The following SNRNP40 variants were observed in gnomAD, a reference collection of about 807,000 sequenced individuals.
The protein encoded by SNRNP40 is U5 small nuclear ribonucleoprotein 40 kDa protein.
Under a neutral mutation model 45.8 loss-of-function variants are expected in SNRNP40, and 21 were observed. The observed-to-expected ratio is 0.46, with a 90% CI of 0.32 to 0.66. The LOEUF (loss-of-function observed/expected upper bound fraction) is 0.66, where lower values mean the gene tolerates loss of function less well. Among genes scored for constraint, SNRNP40 ranks in the 30% least tolerant of loss-of-function variants. The pLI is 0.03. For synonymous variants in SNRNP40, 142 were observed against 163.8 expected (o/e 0.87, Z 1.01); for missense variants, 344 against 439.1 (o/e 0.78, Z 1.94).
chr1:31,283,539 G>A (rs1028521854), intron 4 of SNRNP40, among the ~76,000 whole-genome samples: 1 of 152,126 alleles, frequency 6.6e-6, no homozygotes, highest in African/African-American at 2.4e-5. Context: ...GGGAGTGGAG[G>A]TTGCAGTGAG....
intron 8 of SNRNP40, among the ~76,000 whole-genome samples, chr1:31,262,389 C>T (rs577725998): frequency 2.8e-4 from 43 of 151,678 alleles, no homozygotes; most frequent in African/African-American, 9.7e-4. Flanking sequence ...GGAGTGGTAG[C>T]GTGTGCCTGT....
rs77238464 is a variant in SNRNP40 at position 31,290,114 on chromosome 1, C to T, written c.366-695G>A. 2.6e-3 allele frequency among the ~76,000 whole-genome samples: 391 copies of T among 152,304 alleles called. 2 individuals carry two copies. The highest frequency in any genetic ancestry group is 9.0e-3 in the African/African-American group (375 of 41,572). ...GCTCAAGCAATCTTCCTGCCTCAGC[C>T]TCCTACAGTGCTAGGGTTATAGGCG... is the stretch of plus-strand genomic sequence containing the variant. On this transcript the variant is annotated intron_variant, in intron 3 of 9. Coordinates refer to ENST00000263694, the MANE Select transcript of SNRNP40 (RefSeq NM_004814.3).
intron 4 of SNRNP40, among the ~76,000 whole-genome samples, chr1:31,287,200 A>G (rs1181967766): frequency 6.6e-6 from 1 of 152,164 alleles, no homozygotes; most frequent in Non-Finnish European, 1.5e-5. Context: ...AAGCATTCCA[A>G]CTTCACAAGT....
At chr1:31,293,389 C>T (rs758739492) in intron 1 of SNRNP40, 41 bp from the exon 2 acceptor site, 1 of 1,544,372 alleles carries the variant, frequency 6.5e-7, no homozygotes, top group East Asian at 2.3e-5. Context: ...TGCATACAGA[C>T]AAAGGAGGCT....
chr1:31,273,312 T>G (rs1461266387), intron 5 of SNRNP40, among the ~76,000 whole-genome samples: 1 of 152,122 alleles, frequency 6.6e-6, no homozygotes, highest in East Asian at 1.9e-4. Context: ...CTGTACACCT[T>G]GTTTGTGCAG....
intron 4 of SNRNP40, chr1:31,281,943 G>A (rs1439903695): frequency 1.3e-5 from 2 of 152,584 alleles, no homozygotes; most frequent in Admixed American, 6.5e-5. Context: ...GTCCCTCCAC[G>A]AAAGCAGCAA....
chr1:31,284,645 G>C lies in SNRNP40; in HGVS notation c.532-3149C>G, dbSNP rs1326848139. Among the ~76,000 whole-genome samples the C allele has an allele frequency of 2.0e-5, 3 of 152,164 alleles. No homozygotes were observed. In the East Asian group the frequency reaches 5.8e-4, roughly 29 times the overall value. On this transcript the variant is annotated intron_variant, in intron 4 of 9. Coordinates refer to ENST00000263694, the MANE Select transcript of SNRNP40 (RefSeq NM_004814.3). Reference sequence around the variant, plus strand: ...TGGGATGACTGTTCCAAGTTTTAAAGGGCTGGCATCAAAAAGAAAGGAATC... The same window carrying C: ...TGGGATGACTGTTCCAAGTTTTAAACGGCTGGCATCAAAAAGAAAGGAATC...
At chr1:31,267,501 T>G (rs894205251) in intron 8 of SNRNP40, among the ~76,000 whole-genome samples, 3 of 152,154 alleles carry the variant, frequency 2.0e-5, no homozygotes, top group African/African-American at 7.2e-5. Flanking sequence ...GCTTTATGTA[T>G]AAAACACAAG....
rs763052473 is a variant in SNRNP40, at chr1:31,269,120, A to C, written c.858+38T>G. The C allele has an allele frequency of 2.0e-6, 3 of 1,529,130 alleles. No homozygotes were observed. The African/African-American group carries it at 4.2e-5, about 21-fold the overall frequency. The allele number at this position is 1,529,130 out of a possible 1,614,324, so 94.7% of individuals were successfully genotyped here. ...ACCACCTTAAATGTTTCTCTGAAGT[A>C]AATGAACAGTAAAACTCCTCTGCCA... On this transcript the variant is annotated intron_variant, in intron 7 of 9. Transcript: ENST00000263694.
chr1:31,285,365 T>C (rs1310907868), intron 4 of SNRNP40, among the ~76,000 whole-genome samples: 4 of 151,850 alleles, frequency 2.6e-5, no homozygotes, highest in African/African-American at 9.7e-5. Context: ...CTCAGCCTCC[T>C]GAGTAGCTGG....
chr1:31,266,663 G>C (rs1645898726), intron 8 of SNRNP40, among the ~76,000 whole-genome samples: 1 of 152,190 alleles, frequency 6.6e-6, no homozygotes, highest in Non-Finnish European at 1.5e-5. Context: ...AAAATACCTA[G>C]TTCACATTTT....
At position 31,259,792 on chromosome 1, in the gene SNRNP40, A is replaced by G. The variant is rs755575878; in HGVS notation, c.*280T>C. 1 of 582,458 alleles carries G rather than the reference A, an allele frequency of 1.7e-6. No homozygotes were observed. Among genetic ancestry groups the G allele is most frequent in the African/African-American group, 1.9e-5 (1 of 52,576 alleles). The allele number at this position is 582,458 out of a possible 1,614,324, so 36.1% of individuals were successfully genotyped here. On this transcript the variant is annotated 3_prime_UTR_variant, in exon 10 of 10. Coordinates refer to ENST00000263694, the MANE Select transcript of SNRNP40 (RefSeq NM_004814.3). ...AAAAATCCCAACCAACAAATTTGTC[A>G]CATTGGGCCTGCATTAGAAAACAGG...
chr1:31,289,954 G>A (rs1450939446), intron 3 of SNRNP40, among the ~76,000 whole-genome samples: 1 of 151,962 alleles, frequency 6.6e-6, no homozygotes, highest in African/African-American at 2.4e-5. Flanking sequence ...CGACCTCCTG[G>A]GCTCAAGTGA....
chr1:31,270,154 C>T (rs1024657466), intron 6 of SNRNP40, among the ~76,000 whole-genome samples: 1 of 152,124 alleles, frequency 6.6e-6, no homozygotes, highest in Admixed American at 6.6e-5. Context: ...CTACCCTGCC[C>T]AGCCAATAAC....
intron 3 of SNRNP40, among the ~76,000 whole-genome samples, chr1:31,290,816 T>G (rs1174468240): frequency 1.3e-5 from 2 of 151,782 alleles, no homozygotes; most frequent in Non-Finnish European, 2.9e-5. Context: ...AGACGGAGCT[T>G]GCAGTGAGCC....
rs889616498 is a variant in SNRNP40 at position 31,280,984 on chromosome 1, T to C, written c.654+390A>G. Among the ~76,000 whole-genome samples the C allele has an allele frequency of 4.6e-5, 7 of 152,290 alleles. No homozygotes were observed. In the South Asian group the frequency reaches 1.5e-3, roughly 32 times the overall value. On this transcript the variant is annotated intron_variant, in intron 5 of 9. Coordinates refer to ENST00000263694, the MANE Select transcript of SNRNP40 (RefSeq NM_004814.3). The stretch of plus-strand genomic sequence containing the variant: ...TCTTAGAGAAACTTAGAAAACTCTC[T>C]TTCCATAGTGTCAAAAAGAAAAACA...
chr1:31,280,390 C>T (rs1324678265), intron 5 of SNRNP40, among the ~76,000 whole-genome samples: 1 of 151,958 alleles, frequency 6.6e-6, no homozygotes, highest in Non-Finnish European at 1.5e-5. Flanking sequence ...TCTCGGTCTC[C>T]TGACCTTGTG....
chr1:31,266,936 A>G (rs962149193), intron 8 of SNRNP40, among the ~76,000 whole-genome samples: 19 of 152,242 alleles, frequency 1.2e-4, no homozygotes, highest in African/African-American at 4.6e-4. Context: ...TAGTGGAGGT[A>G]CCTCACTTTG....
At chr1:31,281,222 GA>G in intron 5 of SNRNP40, 151 bp downstream of exon 5, 1 of 564,548 alleles carries the variant, frequency 1.8e-6, no homozygotes, top group Non-Finnish European at 3.0e-6. Flanking sequence ...GGAAGTCAAT[GA>G]AGACAGGAGA....
Sources: allele counts gnomAD v4.1 joint callset (sites outside exome capture counted in the v4.1 genomes callset), GRCh38; gene constraint gnomAD v4.1.1; transcripts MANE v1.5; gene names NCBI Gene and HGNC (gene_info 2026-07-23, HGNC 2026-07-21).